MIS18A: variants seen among roughly 807,000 people sequenced by gnomAD.
The protein encoded by MIS18A is protein Mis18-alpha.
In MIS18A, 14 loss-of-function variants were observed where a neutral mutation model predicts 25.0. The ratio of observed to expected loss-of-function variants is 0.56; its 90% CI spans 0.37 to 0.88. The LOEUF (loss-of-function observed/expected upper bound fraction) is 0.88, where lower values mean the gene tolerates loss of function less well. Ranked by LOEUF, MIS18A falls within the 40% of genes least tolerant of loss-of-function variation. MIS18A has a pLI of 0.00. For missense variants in MIS18A, 292 were observed against 290.8 expected, an observed-to-expected ratio of 1.00 and a Z score of -0.03; for synonymous variants, 134 against 118.6, an observed-to-expected ratio of 1.13 and a Z score of -0.84.
At chr21:32,159,393 A>G in the MIS18A span, among the ~76,000 whole-genome samples, 4 of 152,360 alleles carry the variant, frequency 2.6e-5, no homozygotes, top group Middle Eastern at 3.4e-3. Context: ...TTTTAAAAGT[A>G]TTTATACCAA....
At chr21:32,269,143 TAAAG>T (rs765509605) in intron 4 of MIS18A, 26 bp from the exon 5 acceptor site, 19 of 1,478,412 alleles carry the variant, frequency 1.3e-5, no homozygotes, top group African/African-American at 5.7e-5. Context: ...AATAAAAAAA[TAAAG>T]AAACACACAT....
the MIS18A span, among the ~76,000 whole-genome samples, chr21:32,246,481 G>A: frequency 3.0e-4 from 45 of 152,252 alleles, no homozygotes; most frequent in African/African-American, 1.1e-3. Context: ...TGGCAGGGGG[G>A]AGAGGGTATG....
At chr21:32,187,242 G>A in the MIS18A span, among the ~76,000 whole-genome samples, 5 of 152,174 alleles carry the variant, frequency 3.3e-5, no homozygotes, top group Non-Finnish European at 7.3e-5. Flanking sequence ...CAGGCCATCT[G>A]GTGTTGAATT....
the MIS18A span, among the ~76,000 whole-genome samples, chr21:32,258,065 A>C: frequency 6.6e-6 from 1 of 152,188 alleles, no homozygotes; most frequent in Admixed American, 6.5e-5. Context: ...CACATTAGCA[A>C]GGTGATCAGA....
At chr21:32,249,952 G>A in the MIS18A span, among the ~76,000 whole-genome samples, 1 of 152,272 alleles carries the variant, frequency 6.6e-6, no homozygotes, top group Non-Finnish European at 1.5e-5. Flanking sequence ...CAACCACTCT[G>A]TGAGGGAGGA....
At chr21:32,274,982 A>T (rs563982970) in intron 1 of MIS18A, 86 bp from the exon 2 acceptor site, 392 of 1,134,836 alleles carry the variant, frequency 3.5e-4, no homozygotes, top group Middle Eastern at 1.4e-3. Flanking sequence ...CCAACTTTTT[A>T]GAACTCGGAG....
chr21:32,194,615 T>A, the MIS18A span, among the ~76,000 whole-genome samples: 7 of 151,132 alleles, frequency 4.6e-5, no homozygotes. Context: ...GCCAAGATCG[T>A]GCCATTGCAC....
chr21:32,179,085 ACT>A, the MIS18A span, among the ~76,000 whole-genome samples: 1 of 150,572 alleles, frequency 6.6e-6, no homozygotes, highest in African/African-American at 2.4e-5. Context: ...TATTTTCAAT[ACT>A]CTCTTTTATT....
chr21:32,237,052 C>A, the MIS18A span, among the ~76,000 whole-genome samples: 2 of 150,620 alleles, frequency 1.3e-5, no homozygotes, highest in Non-Finnish European at 3.0e-5. Context: ...TGGTGCAACA[C>A]CCCCCACCCC....
the MIS18A span, among the ~76,000 whole-genome samples, chr21:32,228,816 C>T: frequency 7.9e-5 from 12 of 151,758 alleles, no homozygotes; most frequent in Admixed American, 7.2e-4. Context: ...GTGCAAGGCT[C>T]GTACAGTGAA....
the MIS18A span, among the ~76,000 whole-genome samples, chr21:32,187,603 G>A: frequency 2.0e-5 from 3 of 152,252 alleles, no homozygotes; most frequent in East Asian, 5.8e-4. Flanking sequence ...TGTGTTCTAG[G>A]GATGTTAGTC....
chr21:32,210,849 C>T, the MIS18A span, among the ~76,000 whole-genome samples: 1 of 152,142 alleles, frequency 6.6e-6, no homozygotes, highest in Admixed American at 6.5e-5. Context: ...TCTTGCCTTC[C>T]TTCTGACCAA....
the MIS18A span, among the ~76,000 whole-genome samples, chr21:32,253,397 A>G: frequency 1.4e-5 from 1 of 70,482 alleles, no homozygotes; most frequent in Non-Finnish European, 2.9e-5. Flanking sequence ...CCCTCCCCCC[A>G]CCCCCCATTA....
chr21:32,259,176 G>A, the MIS18A span, among the ~76,000 whole-genome samples: 1 of 152,070 alleles, frequency 6.6e-6, no homozygotes, highest in African/African-American at 2.4e-5. Context: ...GCCCAGCCAG[G>A]GTCTGCATTT....
chr21:32,164,421 A>C, the MIS18A span, among the ~76,000 whole-genome samples: 1 of 152,168 alleles, frequency 6.6e-6, no homozygotes, highest in Admixed American at 6.6e-5. Flanking sequence ...TATTTAGAGG[A>C]TACTTTATTA....
the MIS18A span, among the ~76,000 whole-genome samples, chr21:32,174,629 A>G: frequency 6.6e-6 from 1 of 152,188 alleles, no homozygotes; most frequent in East Asian, 1.9e-4. Flanking sequence ...ATACAAAACA[A>G]AATTGAAAGA....
chr21:32,267,787 T>G (rs1223572343), downstream of MIS18A, among the ~76,000 whole-genome samples: 1 of 152,246 alleles, frequency 6.6e-6, no homozygotes, highest in Non-Finnish European at 1.5e-5. Context: ...TGCAGCTGGA[T>G]GCTGCCTTGT....
the MIS18A span, among the ~76,000 whole-genome samples, chr21:32,194,556 G>A: frequency 6.6e-6 from 1 of 152,052 alleles, no homozygotes; most frequent in African/African-American, 2.4e-5. Flanking sequence ...CTACTCGGGA[G>A]GCTGAGGCAG....
chr21:32,179,462 A>C, the MIS18A span, among the ~76,000 whole-genome samples: 73,676 of 151,436 alleles, frequency 0.49, 18,090 homozygotes, highest in East Asian at 0.6. Context: ...CAAGCACACA[A>C]ATGCACATAT....
Sources: allele counts gnomAD v4.1 joint callset (sites outside exome capture counted in the v4.1 genomes callset), GRCh38; gene constraint gnomAD v4.1.1; transcripts MANE v1.5; gene names NCBI Gene and HGNC (gene_info 2026-07-23, HGNC 2026-07-21).